Variants in AGMO observed in about 807,000 individuals in gnomAD.
AGMO encodes the protein glyceryl-ether monooxygenase.
Under a neutral mutation model 60.2 loss-of-function variants are expected in AGMO, and 75 were observed. The observed-to-expected ratio is 1.25, with a 90% CI of 1.03 to 1.51. The LOEUF (loss-of-function observed/expected upper bound fraction) is 1.51. Among genes scored for constraint, AGMO ranks in the 40% most tolerant of loss-of-function variants. The pLI is 0.00. For missense variants in AGMO, 763 were observed against 525.5 expected, an observed-to-expected ratio of 1.45 and a Z score of -4.42; for synonymous variants, 261 against 177.1, an observed-to-expected ratio of 1.47 and a Z score of -3.76.
At chr7:15,340,335 AT>A (rs891846128) in intron 12 of AGMO, among the ~76,000 whole-genome samples, 2 of 152,224 alleles carry the variant, frequency 1.3e-5, no homozygotes, top group African/African-American at 4.8e-5. Context: ...ATTTTGGAGT[AT>A]GTCAGATTTT....
intron 3 of AGMO, among the ~76,000 whole-genome samples, chr7:15,500,372 T>A (rs1783349889): frequency 6.6e-6 from 1 of 151,870 alleles, no homozygotes. Flanking sequence ...AGTAATGGTA[T>A]TAATGTCATT....
chr7:15,223,083 C>T (rs1583304285), intron 12 of AGMO, among the ~76,000 whole-genome samples: 1 of 151,854 alleles, frequency 6.6e-6, no homozygotes, highest in African/African-American at 2.4e-5. Flanking sequence ...TTAATTCAAA[C>T]ACCACTTCAA....
At chr7:15,239,062 C>A (rs543163190) in intron 12 of AGMO, among the ~76,000 whole-genome samples, 1 of 152,128 alleles carries the variant, frequency 6.6e-6, no homozygotes, top group East Asian at 1.9e-4. Flanking sequence ...ACCTGGCAAA[C>A]CTAAAACTTA....
intron 3 of AGMO, among the ~76,000 whole-genome samples, chr7:15,457,711 G>C (rs1354757560): frequency 6.6e-6 from 1 of 152,114 alleles, no homozygotes; most frequent in African/African-American, 2.4e-5. Flanking sequence ...ACTGAAAGAA[G>C]TGGTAATAAT....
At chr7:15,229,713 T>TAATATATAA (rs1782198494) in intron 12 of AGMO, among the ~76,000 whole-genome samples, 1 of 124,694 alleles carries the variant, frequency 8.0e-6, no homozygotes, top group South Asian at 2.4e-4. Context: ...TATATATATA[T>TAATATATAA]TATATTATAT....
At chr7:15,246,688 C>T (rs1248098478) in intron 12 of AGMO, among the ~76,000 whole-genome samples, 1 of 152,252 alleles carries the variant, frequency 6.6e-6, no homozygotes, top group East Asian at 1.9e-4. Context: ...TACATGGATG[C>T]ATGTCAAATG....
intron 6 of AGMO, among the ~76,000 whole-genome samples, chr7:15,393,111 G>A (rs949606023): frequency 6.6e-6 from 1 of 152,164 alleles, no homozygotes; most frequent in African/African-American, 2.4e-5. Context: ...CATAAATCAA[G>A]GACTTTCTGT....
intron 12 of AGMO, among the ~76,000 whole-genome samples, chr7:15,275,112 TCA>T (rs998428499): frequency 6.6e-6 from 1 of 152,096 alleles, no homozygotes; most frequent in Non-Finnish European, 1.5e-5. Context: ...GTTATTGATT[TCA>T]CAGTTTCTGG....
the AGMO span, among the ~76,000 whole-genome samples, chr7:15,120,981 C>G: frequency 1.3e-5 from 2 of 151,968 alleles, no homozygotes; most frequent in African/African-American, 4.8e-5. Context: ...TTTCTGCCCA[C>G]CCCCAGACAG....
intron 12 of AGMO, among the ~76,000 whole-genome samples, chr7:15,283,253 A>G (rs2128519426): frequency 6.6e-6 from 1 of 152,228 alleles, no homozygotes; most frequent in African/African-American, 2.4e-5. Context: ...TTGAATGTAA[A>G]TGCCCTAATA....
intron 12 of AGMO, among the ~76,000 whole-genome samples, chr7:15,309,036 G>A (rs1780691198): frequency 6.6e-6 from 1 of 152,054 alleles, no homozygotes; most frequent in South Asian, 2.1e-4. Flanking sequence ...AAGTATTCAG[G>A]CACTGGGCTG....
At chr7:15,309,263 G>A (rs1375550348) in intron 12 of AGMO, among the ~76,000 whole-genome samples, 1 of 152,148 alleles carries the variant, frequency 6.6e-6, no homozygotes. Context: ...AGACAGGCAA[G>A]CTGAGTAGGG....
intron 3 of AGMO, among the ~76,000 whole-genome samples, chr7:15,449,397 A>G (rs1029404780): frequency 5.9e-5 from 9 of 151,996 alleles, no homozygotes; most frequent in Non-Finnish European, 1.2e-4. Context: ...TGTGCCACAT[A>G]ATGCGTCTCT....
At chr7:15,336,331 A>AGCAGCTGT (rs1434439746) in intron 12 of AGMO, among the ~76,000 whole-genome samples, 1 of 152,128 alleles carries the variant, frequency 6.6e-6, no homozygotes, top group Non-Finnish European at 1.5e-5. Flanking sequence ...ACTAAATCAA[A>AGCAGCTGT]GCAGCTGTAC....
intron 3 of AGMO, among the ~76,000 whole-genome samples, chr7:15,519,053 G>A (rs1166489522): frequency 6.6e-6 from 1 of 151,316 alleles, no homozygotes; most frequent in South Asian, 2.1e-4. Context: ...CTGACAAGCA[G>A]AAGAAAGGAT....
At chr7:15,354,449 T>C (rs1455756351) in intron 12 of AGMO, among the ~76,000 whole-genome samples, 799 of 21,678 alleles carry the variant, frequency 0.037, 58 homozygotes, top group South Asian at 0.054. Flanking sequence ...TACACACGTG[T>C]GTGTATACAC....
At chr7:15,284,723 A>G (rs1012998744) in intron 12 of AGMO, among the ~76,000 whole-genome samples, 6 of 151,978 alleles carry the variant, frequency 3.9e-5, no homozygotes, top group Admixed American at 3.9e-4. Flanking sequence ...CTATCTATGA[A>G]GCCATTATCA....
At chr7:15,274,478 T>C (rs1235926541) in intron 12 of AGMO, among the ~76,000 whole-genome samples, 1 of 152,210 alleles carries the variant, frequency 6.6e-6, no homozygotes, top group African/African-American at 2.4e-5. Context: ...CACTTGATCA[T>C]GGTGGATAAG....
At chr7:15,513,235 T>C (rs1159744865) in intron 3 of AGMO, among the ~76,000 whole-genome samples, 2 of 152,192 alleles carry the variant, frequency 1.3e-5, no homozygotes, top group Non-Finnish European at 2.9e-5. Context: ...TAGACGAACA[T>C]TACTATTTTC....
Sources: allele counts gnomAD v4.1 joint callset (sites outside exome capture counted in the v4.1 genomes callset), GRCh38; gene constraint gnomAD v4.1.1; transcripts MANE v1.5; gene names NCBI Gene and HGNC (gene_info 2026-07-23, HGNC 2026-07-21).